The following KCNAB1 variants were observed in gnomAD, a reference collection of about 807,000 sequenced individuals.
KCNAB1 encodes voltage-gated potassium channel subunit beta-1.
KCNAB1 carries 35 observed loss-of-function variants against 64.6 expected under a neutral mutation model. That is an observed-to-expected ratio of 0.54 (90% CI 0.41 to 0.72). The LOEUF is 0.72. Ranked by LOEUF, KCNAB1 falls within the 30% of genes least tolerant of loss-of-function variation. The pLI, the probability that KCNAB1 is intolerant of heterozygous loss-of-function variation, is 0.00. For missense variants in KCNAB1, 401 were observed against 512.9 expected (o/e 0.78, Z 2.11); for synonymous variants, 177 against 183.8 (o/e 0.96, Z 0.30).
At chr3:156,276,218 C>CT (rs1263929872) in intron 1 of KCNAB1, among the ~76,000 whole-genome samples, 4 of 152,094 alleles carry the variant, frequency 2.6e-5, no homozygotes, top group African/African-American at 9.7e-5. Flanking sequence ...TGAAATATGT[C>CT]TTTTTTTCTA....
At position 156,130,108 on chromosome 3, in the gene KCNAB1, A is replaced by G. The variant is rs147643727; in HGVS notation, c.275+9222A>G. Among the ~76,000 whole-genome samples the G allele has an allele frequency of 8.7e-3, 1,328 of 152,364 alleles. 16 individuals carry two copies. The highest frequency in any genetic ancestry group is 0.03 in the African/African-American group (1,246 of 41,578). On this transcript the variant is annotated intron_variant, in intron 1 of 13. Coordinates refer to ENST00000490337, the MANE Select transcript of KCNAB1 (RefSeq NM_172160.3). ...ATTTTGTCATCTATATGGTGGAAATAAAAACATCTGTGTTATCCATCTTCT... is the reference window on the plus strand; with the variant it reads ...ATTTTGTCATCTATATGGTGGAAATGAAAACATCTGTGTTATCCATCTTCT...
chr3:156,535,022 A>G (rs543751207), intron 13 of KCNAB1, among the ~76,000 whole-genome samples: 80 of 152,288 alleles, frequency 5.3e-4, no homozygotes, highest in African/African-American at 1.9e-3. Context: ...AGACAAAAAA[A>G]AAAATCCAAC....
chr3:156,127,932 C>T (rs1052171960), intron 1 of KCNAB1, among the ~76,000 whole-genome samples: 27 of 149,312 alleles, frequency 1.8e-4, no homozygotes, highest in African/African-American at 6.7e-4. Context: ...CGTGCGTGCG[C>T]ACCTGGTTTC....
At chr3:156,379,395 T>C (rs1404588367) in intron 1 of KCNAB1, among the ~76,000 whole-genome samples, 2 of 152,100 alleles carry the variant, frequency 1.3e-5, no homozygotes, top group Admixed American at 6.6e-5. Flanking sequence ...TACATAAAGA[T>C]AGAAAAGGAA....
intron 1 of KCNAB1, among the ~76,000 whole-genome samples, chr3:156,159,539 C>G (rs1395058560): frequency 6.6e-6 from 1 of 152,188 alleles, no homozygotes; most frequent in Non-Finnish European, 1.5e-5. Context: ...TCCATCAACT[C>G]TTCAGTAAGT....
Position 156,216,559 on chromosome 3 carries a change from A to C in KCNAB1, c.275+95673A>C, listed in dbSNP as rs147678319. 9.0e-3 allele frequency among the ~76,000 whole-genome samples: 1,369 copies of C among 152,338 alleles called. 20 individuals are homozygous for C. Among genetic ancestry groups the C allele is most frequent in the African/African-American group, 0.031 (1,299 of 41,586 alleles). On this transcript the variant is annotated intron_variant, in intron 1 of 13. Coordinates refer to ENST00000490337, the MANE Select transcript of KCNAB1 (RefSeq NM_172160.3). ...AGGTTTTCCGCCCAAACTAGAATGAATAACATTTGACAAAACTGTTGTTAA... is the reference window on the plus strand; with the variant it reads ...AGGTTTTCCGCCCAAACTAGAATGACTAACATTTGACAAAACTGTTGTTAA...
rs1724215430 is a variant in KCNAB1 at position 156,342,616 on chromosome 3, T to A, written c.276-79000T>A. ...TTTTTTTTTTTTTTTTTAATTTTTTTTTTTTTTATTATACTCTAAGTTTTA... is the reference window on the plus strand; with the variant it reads ...TTTTTTTTTTTTTTTTTAATTTTTTATTTTTTTATTATACTCTAAGTTTTA... On this transcript the variant is annotated intron_variant, in intron 1 of 13. Transcript: ENST00000490337. Among the ~76,000 whole-genome samples, 3 of 147,916 alleles carry A rather than the reference T, an allele frequency of 2.0e-5. No individual in the cohort carries two copies. The South Asian group carries it at 6.5e-4, about 32-fold the overall frequency.
At chr3:156,147,560 A>G (rs1432026757) in intron 1 of KCNAB1, among the ~76,000 whole-genome samples, 1 of 152,180 alleles carries the variant, frequency 6.6e-6, no homozygotes, top group Non-Finnish European at 1.5e-5. Context: ...TTTTTTAAGA[A>G]TGACAGGGCT....
chr3:156,433,602 A>C (rs1318432786), intron 2 of KCNAB1, among the ~76,000 whole-genome samples: 2 of 152,236 alleles, frequency 1.3e-5, no homozygotes, highest in African/African-American at 2.4e-5. Context: ...AGATAGAGGT[A>C]CAAGACATAG....
chr3:156,524,022 C>G (rs879193465), intron 12 of KCNAB1, 75 bp downstream of exon 12: 2 of 1,354,934 alleles, frequency 1.5e-6, no homozygotes, highest in Admixed American at 4.6e-5. Flanking sequence ...CTGACCACAC[C>G]CTTACCATGA....
chr3:156,382,092 C>G (rs1307499945), intron 1 of KCNAB1: 1 of 152,188 alleles, frequency 6.6e-6, no homozygotes. Flanking sequence ...CCCCAACACA[C>G]TGCCCATTCC....
chr3:156,393,458 A>G (rs3772261), intron 1 of KCNAB1, among the ~76,000 whole-genome samples: 47,087 of 151,896 alleles, frequency 0.31, 9,676 homozygotes, highest in African/African-American at 0.59. Context: ...CTTCTTCTGT[A>G]TACCCTTCTC....
intron 1 of KCNAB1, among the ~76,000 whole-genome samples, chr3:156,193,925 C>A (rs1342037607): frequency 6.6e-6 from 1 of 152,120 alleles, no homozygotes; most frequent in Non-Finnish European, 1.5e-5. Flanking sequence ...GTAACTTCAT[C>A]ATAAGTTGAA....
intron 1 of KCNAB1, among the ~76,000 whole-genome samples, chr3:156,310,305 C>G (rs1291424599): frequency 6.6e-6 from 1 of 152,176 alleles, no homozygotes. Flanking sequence ...TTTCAAGCCA[C>G]TGGCTGCTGT....
chr3:156,354,081 G>A (rs1204282351), intron 1 of KCNAB1, among the ~76,000 whole-genome samples: 3 of 140,920 alleles, frequency 2.1e-5, no homozygotes, highest in Admixed American at 7.2e-5. Context: ...GTGTATATAT[G>A]TGTGTATATA....
chr3:156,356,136 GAAAGA>G (rs1167635426), intron 1 of KCNAB1, among the ~76,000 whole-genome samples: 140 of 134,420 alleles, frequency 1.0e-3, no homozygotes, highest in African/African-American at 3.8e-3. Context: ...AAAAAAAAAA[GAAAGA>G]AAAGAAAAGA....
intron 2 of KCNAB1, among the ~76,000 whole-genome samples, chr3:156,439,013 C>CA (rs1393129238): frequency 1.2e-4 from 11 of 91,546 alleles, no homozygotes; most frequent in East Asian, 7.4e-4. Flanking sequence ...GACTCTATCT[C>CA]AAAAAAAACA....
intron 4 of KCNAB1, among the ~76,000 whole-genome samples, chr3:156,459,226 T>G (rs1712697232): frequency 6.6e-6 from 1 of 152,164 alleles, no homozygotes; most frequent in South Asian, 2.1e-4. Flanking sequence ...GGATGGTGGA[T>G]GCCTTCAGTA....
intron 1 of KCNAB1, among the ~76,000 whole-genome samples, chr3:156,137,032 A>T (rs1714385219): frequency 6.6e-6 from 1 of 150,728 alleles, no homozygotes; most frequent in Admixed American, 6.6e-5. Context: ...TTTTTTTTTT[A>T]AACTTTTATT....
Sources: allele counts gnomAD v4.1 joint callset (sites outside exome capture counted in the v4.1 genomes callset), GRCh38; gene constraint gnomAD v4.1.1; transcripts MANE v1.5; gene names NCBI Gene and HGNC (gene_info 2026-07-23, HGNC 2026-07-21).